The following XPR1 variants were observed in gnomAD, a reference collection of about 807,000 sequenced individuals.
XPR1 encodes xenotropic and polytropic retrovirus receptor 1, also known as solute carrier family 53 member 1.
A neutral mutation model predicts 87.5 loss-of-function variants in XPR1; 28 were observed. That is an observed-to-expected ratio of 0.32 (90% CI 0.24 to 0.44). The LOEUF is 0.44. Among genes scored for constraint, XPR1 ranks in the 20% least tolerant of loss-of-function variants. The pLI is 1.00. For synonymous variants in XPR1, 300 were observed against 306.1 expected, an observed-to-expected ratio of 0.98 and a Z score of 0.21; for missense variants, 559 against 862.3, an observed-to-expected ratio of 0.65 and a Z score of 4.41.
At chr1:180,872,774 C>A (rs980419804) in intron 12 of XPR1, among the ~76,000 whole-genome samples, 2 of 151,348 alleles carry the variant, frequency 1.3e-5, no homozygotes, top group East Asian at 3.9e-4. Context: ...AATCACCCGT[C>A]TTCTGCGTCG....
In XPR1 at chr1:180,803,410, C is replaced by G. The variant is rs139002331; in HGVS notation, c.246C>G (p.Arg82=). The G allele has an allele frequency of 1.2e-6, 2 of 1,613,968 alleles. No individual in the cohort carries two copies. The highest frequency in any genetic ancestry group is 1.7e-6 in the Non-Finnish European group (2 of 1,179,964). The change falls in exon 4 of 15, where the codon CGC becomes CGG. Residue 82 remains arginine (R), a synonymous_variant. Transcript: ENST00000367590. ...FYSEKLAEAQ[R]RFATLQNELQ... is the part of the protein sequence containing the mutation. ...TAGAGAAGCTCGCAGAGGCTCAGCG[C>G]AGGTTTGCTACACTTCAGAATGAGC...
At chr1:180,717,501 GT>G (rs1249416099) in intron 2 of XPR1, among the ~76,000 whole-genome samples, 1 of 151,622 alleles carries the variant, frequency 6.6e-6, no homozygotes, top group Non-Finnish European at 1.5e-5. Context: ...AGCCAAAAGT[GT>G]TTTTTTTCTG....
At chr1:180,801,107 T>C (rs1649764753) in intron 3 of XPR1, among the ~76,000 whole-genome samples, 1 of 152,238 alleles carries the variant, frequency 6.6e-6, no homozygotes, top group Admixed American at 6.5e-5. Context: ...TGCACCCACC[T>C]TGTTTTGATA....
At chr1:180,706,563 TTAG>T (rs1161271477) in intron 2 of XPR1, among the ~76,000 whole-genome samples, 3 of 152,178 alleles carry the variant, frequency 2.0e-5, no homozygotes, top group African/African-American at 4.8e-5. Context: ...TTGATTGCAT[TTAG>T]TACATTCACT....
chr1:180,786,356 T>G (rs1342680234), intron 2 of XPR1, among the ~76,000 whole-genome samples: 1 of 152,202 alleles, frequency 6.6e-6, no homozygotes, highest in Non-Finnish European at 1.5e-5. Context: ...CCTAGACAGT[T>G]GGATTATTTT....
chr1:180,829,095 C>G (rs1282120113), intron 9 of XPR1, among the ~76,000 whole-genome samples: 3 of 152,054 alleles, frequency 2.0e-5, no homozygotes, highest in Non-Finnish European at 4.4e-5. Flanking sequence ...ACTTGGGAGG[C>G]TGAGGGAGGA....
chr1:180,733,675 G>C (rs1192687879), intron 2 of XPR1, among the ~76,000 whole-genome samples: 1 of 152,230 alleles, frequency 6.6e-6, no homozygotes, highest in Non-Finnish European at 1.5e-5. Flanking sequence ...AGGTGGTAGA[G>C]ATGTAGAGCA....
chr1:180,761,887 A>G (rs1290323072), intron 2 of XPR1, among the ~76,000 whole-genome samples: 1 of 152,184 alleles, frequency 6.6e-6, no homozygotes, highest in Admixed American at 6.5e-5. Context: ...TCCAACAACA[A>G]TAGACTGGAT....
chr1:180,684,753 G>T (rs942625659), intron 2 of XPR1, among the ~76,000 whole-genome samples: 2 of 152,102 alleles, frequency 1.3e-5, no homozygotes, highest in African/African-American at 4.8e-5. Context: ...TGAAGCAATG[G>T]TGAATGGGAG....
chr1:180,782,038 A>G (rs1486930820), intron 2 of XPR1, among the ~76,000 whole-genome samples: 2 of 152,008 alleles, frequency 1.3e-5, no homozygotes, highest in Non-Finnish European at 2.9e-5. Context: ...TCTCAGTGTA[A>G]CTGTGTGTCT....
In XPR1 at chr1:180,647,187, G is replaced by A. The variant is rs574271005; in HGVS notation, c.69+14917G>A. ...TAATGGCACTGCTGATCTGACAGGA[G>A]GCAGAGCTCTGGCCATAATGTGAGC... On this transcript the variant is annotated intron_variant, in intron 1 of 14. Coordinates refer to ENST00000367590, the MANE Select transcript of XPR1 (RefSeq NM_004736.4). Among the ~76,000 whole-genome samples the A allele has an allele frequency of 9.2e-5, 14 of 152,344 alleles. No individual in the cohort carries two copies. The East Asian group carries it at 2.7e-3, about 29-fold the overall frequency.
rs755144846 is a variant in XPR1 at position 180,825,351 on chromosome 1, C to G, written c.1134+7C>G. Reference sequence around the variant, plus strand: ...TTGGCTGCTTAAACTGCTGGTAAGTCCAGAAACTTGTGTACCACTTTTAGA... The same window carrying G: ...TTGGCTGCTTAAACTGCTGGTAAGTGCAGAAACTTGTGTACCACTTTTAGA... On this transcript the variant is annotated splice_region_variant and intron_variant, in intron 9 of 14. Coordinates refer to ENST00000367590, the MANE Select transcript of XPR1 (RefSeq NM_004736.4). 5 of 1,606,696 alleles carry G rather than the reference C, an allele frequency of 3.1e-6. No homozygotes were observed.
chr1:180,691,797 C>A (rs566098118), intron 2 of XPR1, among the ~76,000 whole-genome samples: 211 of 152,248 alleles, frequency 1.4e-3, no homozygotes, highest in African/African-American at 4.3e-3. Flanking sequence ...TGGACAGGGT[C>A]TACTTCAAGC....
At chr1:180,785,212 G>C (rs779330034) in intron 2 of XPR1, among the ~76,000 whole-genome samples, 3 of 151,660 alleles carry the variant, frequency 2.0e-5, no homozygotes, top group Non-Finnish European at 4.4e-5. Flanking sequence ...TCCAGTGGTG[G>C]GATCTCAGCT....
chr1:180,719,934 T>TC (rs1390390862), intron 2 of XPR1, among the ~76,000 whole-genome samples: 4 of 152,180 alleles, frequency 2.6e-5, no homozygotes, highest in Admixed American at 2.6e-4. Context: ...TAAGATTGGA[T>TC]GGGTATGTTA....
At chr1:180,845,208 T>C (rs1011898464) in intron 11 of XPR1, among the ~76,000 whole-genome samples, 1 of 152,188 alleles carries the variant, frequency 6.6e-6, no homozygotes, top group Non-Finnish European at 1.5e-5. Context: ...TACGGAGAGA[T>C]GAAAACTCAT....
chr1:180,716,197 C>T (rs563023039), intron 2 of XPR1, among the ~76,000 whole-genome samples: 29 of 152,020 alleles, frequency 1.9e-4, no homozygotes, highest in African/African-American at 6.0e-4. Flanking sequence ...AGTTCAGTGG[C>T]GCTGCCTCGA....
intron 11 of XPR1, among the ~76,000 whole-genome samples, chr1:180,848,972 A>G (rs1301403328): frequency 6.6e-6 from 1 of 152,198 alleles, no homozygotes; most frequent in Non-Finnish European, 1.5e-5. Flanking sequence ...TGTAGGTGCC[A>G]AGGAGATGTT....
At chr1:180,863,176 C>G (rs1490993357) in intron 11 of XPR1, among the ~76,000 whole-genome samples, 1 of 151,958 alleles carries the variant, frequency 6.6e-6, no homozygotes, top group Non-Finnish European at 1.5e-5. Flanking sequence ...GGGTAAAATC[C>G]TTATCACTCT....
Sources: gnomAD v4.1 joint callset for allele counts (sites outside exome capture counted in the v4.1 genomes callset) on GRCh38, gnomAD v4.1.1 for gene constraint, MANE v1.5 for transcripts, NCBI Gene and HGNC (gene_info 2026-07-23, HGNC 2026-07-21) for gene names.